PDE1C: variants seen among roughly 807,000 people sequenced by gnomAD.
PDE1C encodes phosphodiesterase 1C.
In PDE1C, 62 loss-of-function variants were observed where a neutral mutation model predicts 93.1. The observed-to-expected ratio is 0.67, with a 90% CI of 0.54 to 0.82. PDE1C has a LOEUF of 0.82. Among genes scored for constraint, PDE1C ranks in the 40% least tolerant of loss-of-function variants. The probability of loss-of-function intolerance (pLI) is 0.00; values close to 1 mark genes in which losing one functional copy is unlikely to be tolerated. For missense variants in PDE1C, 742 were observed against 884.6 expected (o/e 0.84, Z 2.04); for synonymous variants, 325 against 310.1 (o/e 1.05, Z -0.50).
intron 16 of PDE1C, among the ~76,000 whole-genome samples, chr7:31,804,620 T>A (rs1159937606): frequency 6.6e-6 from 1 of 151,876 alleles, no homozygotes; most frequent in Admixed American, 6.6e-5. Flanking sequence ...AGCCTCAGTA[T>A]AATTTTTTTT....
chr7:32,048,921 C>T (rs554961155), intron 2 of PDE1C, among the ~76,000 whole-genome samples: 1 of 152,226 alleles, frequency 6.6e-6, no homozygotes, highest in South Asian at 2.1e-4. Flanking sequence ...ACAGCATTCA[C>T]GTCAGATATG....
intron 1 of PDE1C, among the ~76,000 whole-genome samples, chr7:32,056,060 A>C (rs2128698285): frequency 6.6e-6 from 1 of 152,134 alleles, no homozygotes; most frequent in Non-Finnish European, 1.5e-5. Flanking sequence ...TTAAATTTGT[A>C]ATATTTTGAA....
intron 2 of PDE1C, among the ~76,000 whole-genome samples, chr7:31,913,116 A>G (rs1224543291): frequency 6.6e-6 from 1 of 152,146 alleles, no homozygotes; most frequent in Non-Finnish European, 1.5e-5. Context: ...AGCATCCTGA[A>G]CCTCAGCTTG....
chr7:32,188,989 G>A (rs1804059592), intron 2 of PDE1C, among the ~76,000 whole-genome samples: 3 of 152,170 alleles, frequency 2.0e-5, no homozygotes, highest in Admixed American at 1.3e-4. Flanking sequence ...AGCCTAAAGA[G>A]TTAGAAGCAA....
intron 3 of PDE1C, among the ~76,000 whole-genome samples, chr7:32,153,667 T>C (rs1353466793): frequency 6.6e-6 from 1 of 152,098 alleles, no homozygotes; most frequent in East Asian, 1.9e-4. Context: ...AGAATGTCAA[T>C]CAGAAATCTG....
At chr7:31,760,994 C>A (rs536073928) in intron 17 of PDE1C, among the ~76,000 whole-genome samples, 43 of 118,444 alleles carry the variant, frequency 3.6e-4, no homozygotes, top group African/African-American at 1.3e-3. Flanking sequence ...TAACGTGAGC[C>A]CCACTGAGGA....
chr7:32,287,243 C>T (rs759792713), intron 1 of PDE1C, among the ~76,000 whole-genome samples: 6 of 152,214 alleles, frequency 3.9e-5, no homozygotes, highest in Non-Finnish European at 7.3e-5. Flanking sequence ...CAAAATCCTC[C>T]AGTGGGCCTG....
the PDE1C span, chr7:31,642,303 C>A: frequency 7.8e-7 from 1 of 1,275,172 alleles, no homozygotes; most frequent in Non-Finnish European, 1.1e-6. Flanking sequence ...CCCTAACATC[C>A]CACTTCAGCC....
chr7:31,958,875 T>C (rs1222873598), intron 2 of PDE1C, among the ~76,000 whole-genome samples: 2 of 152,220 alleles, frequency 1.3e-5, no homozygotes, highest in African/African-American at 2.4e-5. Flanking sequence ...ATACAGATAA[T>C]TGTAAGGAAT....
intron 2 of PDE1C, among the ~76,000 whole-genome samples, chr7:31,925,040 TGTG>T (rs2128966377): frequency 0.013 from 1 of 80 alleles, no homozygotes; most frequent in South Asian, 0.1. Context: ...TAGACATTTC[TGTG>T]TGTGTGTGTG....
chr7:32,214,769 G>C (rs986847445), intron 1 of PDE1C, among the ~76,000 whole-genome samples: 1 of 152,094 alleles, frequency 6.6e-6, no homozygotes, highest in Non-Finnish European at 1.5e-5. Flanking sequence ...CATTGTAAAC[G>C]GTTCTTTATA....
chr7:32,048,397 T>C (rs1792885324), intron 2 of PDE1C, among the ~76,000 whole-genome samples: 1 of 151,942 alleles, frequency 6.6e-6, no homozygotes, highest in African/African-American at 2.4e-5. Flanking sequence ...TCTTAGAACA[T>C]TTGACCTAAG....
At chr7:31,702,484 C>A in the PDE1C span, among the ~76,000 whole-genome samples, 4 of 152,302 alleles carry the variant, frequency 2.6e-5, no homozygotes, top group Non-Finnish European at 5.9e-5. Context: ...CTGTCCAGGT[C>A]CCAATTACCT....
intron 2 of PDE1C, among the ~76,000 whole-genome samples, chr7:32,019,581 GA>G (rs1229840364): frequency 4.6e-5 from 7 of 152,108 alleles, no homozygotes; most frequent in Admixed American, 4.6e-4. Context: ...TGACTTGAAG[GA>G]AATACAAATG....
chr7:31,688,474 C>T, the PDE1C span, among the ~76,000 whole-genome samples: 1 of 152,232 alleles, frequency 6.6e-6, no homozygotes, highest in African/African-American at 2.4e-5. Flanking sequence ...ACACACTGAA[C>T]CAACTAATGT....
At chr7:31,995,648 G>A (rs1177927919) in intron 2 of PDE1C, among the ~76,000 whole-genome samples, 4 of 151,912 alleles carry the variant, frequency 2.6e-5, no homozygotes, top group Non-Finnish European at 5.9e-5. Flanking sequence ...CTAGTTCCTC[G>A]TGGGCAAGAA....
chr7:31,996,998 T>A (rs1784801698), intron 2 of PDE1C, among the ~76,000 whole-genome samples: 1 of 152,166 alleles, frequency 6.6e-6, no homozygotes, highest in African/African-American at 2.4e-5. Flanking sequence ...AAAAGGAACA[T>A]TATCAGTGCA....
intron 2 of PDE1C, among the ~76,000 whole-genome samples, chr7:31,888,490 AAG>A (rs1798244415): frequency 1.3e-5 from 2 of 152,050 alleles, no homozygotes; most frequent in South Asian, 2.1e-4. Context: ...ATCAAGAAAA[AAG>A]AGAAATGATA....
intron 1 of PDE1C, among the ~76,000 whole-genome samples, chr7:32,325,884 C>A (rs1783394123): frequency 6.6e-6 from 1 of 152,162 alleles, no homozygotes; most frequent in Admixed American, 6.5e-5. Context: ...ACTTAGCAGG[C>A]TGCTGGGCTA....
Sources: gnomAD v4.1 joint callset for allele counts (sites outside exome capture counted in the v4.1 genomes callset) on GRCh38, gnomAD v4.1.1 for gene constraint, MANE v1.5 for transcripts, NCBI Gene and HGNC (gene_info 2026-07-23, HGNC 2026-07-21) for gene names.